The following ANKRD17 variants were observed in gnomAD, a reference collection of about 807,000 sequenced individuals.
ANKRD17 encodes the protein ankyrin repeat domain-containing protein 17.
ANKRD17 carries 19 observed loss-of-function variants against 229.7 expected under a neutral mutation model. That is an observed-to-expected ratio of 0.08 (90% confidence interval 0.06 to 0.12). The LOEUF is 0.12. ANKRD17 is among the 10% of genes least tolerant of loss of function. The pLI, the probability that ANKRD17 is intolerant of heterozygous loss-of-function variation, is 1.00. For synonymous variants in ANKRD17, 1,112 were observed against 1,146.1 expected, an observed-to-expected ratio of 0.97 and a Z score of 0.60; for missense variants, 2,176 against 3,176.8, an observed-to-expected ratio of 0.68 and a Z score of 7.57.
intron 1 of ANKRD17, among the ~76,000 whole-genome samples, chr4:73,204,795 T>C (rs1031474130): frequency 5.9e-5 from 9 of 152,164 alleles, no homozygotes; most frequent in African/African-American, 2.2e-4. Flanking sequence ...TGGTATTATA[T>C]GTGACAACAA....
chr4:73,154,132 A>T lies in ANKRD17; in HGVS notation c.1001-19T>A, dbSNP rs780787446. 2 of 1,501,024 alleles carry T rather than the reference A, an allele frequency of 1.3e-6. No homozygotes were observed. Among genetic ancestry groups the T allele is most frequent in the African/African-American group, 2.8e-5 (2 of 71,230 alleles). 93.0% of individuals were successfully genotyped at this position (1,501,024 alleles called of 1,614,324 possible). ...GTATTGCCTATTTTAATTAGGAAAA[A>T]TAAAAAGACATTAACATAAAATACC... On this transcript the variant is annotated intron_variant, in intron 5 of 33. Coordinates refer to ENST00000358602, the MANE Select transcript of ANKRD17 (RefSeq NM_032217.5).
intron 1 of ANKRD17, among the ~76,000 whole-genome samples, chr4:73,251,060 CAGG>C (rs1744979010): frequency 6.6e-6 from 1 of 152,072 alleles, no homozygotes; most frequent in Non-Finnish European, 1.5e-5. Flanking sequence ...CACTTGAAGC[CAGG>C]AGTTCAAGAC....
chr4:73,119,669 C>T (rs535612218), intron 21 of ANKRD17, among the ~76,000 whole-genome samples: 5 of 152,302 alleles, frequency 3.3e-5, no homozygotes, highest in African/African-American at 9.6e-5. Context: ...TGCACGAAAA[C>T]AAGTTAAACA....
chr4:73,139,047 G>GT lies in ANKRD17; in HGVS notation c.3085+483dup, dbSNP rs71215490. Among the ~76,000 whole-genome samples the GT allele has an allele frequency of 6.9e-3, 1,019 of 148,334 alleles. 31 individuals carry two copies. Among genetic ancestry groups the GT allele is most frequent in the Admixed American group, 0.045 (669 of 14,850 alleles). On this transcript the variant is annotated intron_variant, in intron 15 of 33. Coordinates refer to ENST00000358602, the MANE Select transcript of ANKRD17 (RefSeq NM_032217.5). The stretch of plus-strand genomic sequence containing the variant: ...TGAACTTTATTAATTTTGTAAAAGT[G>GT]TTTTTTTTTTTAAATATCCATCAGG...
intron 8 of ANKRD17, among the ~76,000 whole-genome samples, chr4:73,147,888 C>T (rs1730497378): frequency 6.6e-6 from 1 of 152,006 alleles, no homozygotes; most frequent in African/African-American, 2.4e-5. Flanking sequence ...GCTAAGGAAA[C>T]TGAGGTTATT....
At chr4:73,125,725 TC>T (rs1300889168) in intron 16 of ANKRD17, among the ~76,000 whole-genome samples, 2 of 121,264 alleles carry the variant, frequency 1.6e-5, no homozygotes, top group East Asian at 4.7e-4. Flanking sequence ...AAAGCGAGAC[TC>T]CGTCTCAAAA....
chr4:73,245,514 G>A (rs1355329729), intron 1 of ANKRD17, among the ~76,000 whole-genome samples: 1 of 152,114 alleles, frequency 6.6e-6, no homozygotes, highest in Non-Finnish European at 1.5e-5. Context: ...ATGGAGAACA[G>A]CTTCAGCCTA....
intron 26 of ANKRD17, 102 bp downstream of exon 26, chr4:73,097,971 C>T (rs1340406165): frequency 3.7e-6 from 4 of 1,075,738 alleles, no homozygotes; most frequent in Middle Eastern, 3.2e-4. Context: ...AAAGAAAAAT[C>T]CTATTTTGCA....
chr4:73,215,678 T>C (rs1263319724), intron 1 of ANKRD17, among the ~76,000 whole-genome samples: 1 of 152,250 alleles, frequency 6.6e-6, no homozygotes, highest in Non-Finnish European at 1.5e-5. Context: ...CAGTGAGTTT[T>C]AATCTAACAA....
chr4:73,089,325 C>T (rs917939603), intron 29 of ANKRD17, among the ~76,000 whole-genome samples: 7 of 151,788 alleles, frequency 4.6e-5, no homozygotes, highest in African/African-American at 9.7e-5. Flanking sequence ...CACAAGCCAC[C>T]GTGCCAAGCC....
intron 1 of ANKRD17, among the ~76,000 whole-genome samples, chr4:73,222,204 C>G (rs915702373): frequency 4.0e-5 from 6 of 151,310 alleles, no homozygotes; most frequent in African/African-American, 1.2e-4. Context: ...ATACCTATAC[C>G]TATAAATACA....
At chr4:73,184,528 CAAAAAAAAAAA>C (rs776930137) in intron 1 of ANKRD17, among the ~76,000 whole-genome samples, 5 of 29,976 alleles carry the variant, frequency 1.7e-4, no homozygotes, top group Non-Finnish European at 2.6e-4. Context: ...GACTTCCTCT[CAAAAAAAAAAA>C]AAAAAAAAAA....
At chr4:73,193,925 TTG>T (rs1737485376) in intron 1 of ANKRD17, among the ~76,000 whole-genome samples, 1 of 152,096 alleles carries the variant, frequency 6.6e-6, no homozygotes. Context: ...GAGTGAAACC[TTG>T]TCTCAAAAAC....
At chr4:73,130,388 A>T (rs1728041308) in intron 16 of ANKRD17, among the ~76,000 whole-genome samples, 1 of 152,172 alleles carries the variant, frequency 6.6e-6, no homozygotes. Flanking sequence ...TTCTCATGTT[A>T]AATCACTGTG....
intron 29 of ANKRD17, among the ~76,000 whole-genome samples, chr4:73,086,043 C>T (rs963724497): frequency 6.6e-6 from 1 of 152,036 alleles, no homozygotes; most frequent in African/African-American, 2.4e-5. Context: ...ACAATTATCA[C>T]ATTATACTCT....
intron 3 of ANKRD17, among the ~76,000 whole-genome samples, chr4:73,159,405 C>T (rs1323945019): frequency 5.3e-5 from 8 of 152,230 alleles, no homozygotes; most frequent in African/African-American, 1.9e-4. Flanking sequence ...TTGAAAACAA[C>T]CTTACAGGAT....
chr4:73,138,056 T>A (rs1177404041), intron 15 of ANKRD17, among the ~76,000 whole-genome samples: 1 of 152,180 alleles, frequency 6.6e-6, no homozygotes, highest in Non-Finnish European at 1.5e-5. Flanking sequence ...ACTCTATACA[T>A]CCTTTAGTAG....
intron 31 of ANKRD17, 54 bp downstream of exon 31, chr4:73,078,588 A>T: frequency 6.4e-7 from 1 of 1,563,302 alleles, no homozygotes; most frequent in South Asian, 1.2e-5. Flanking sequence ...TACTGTTTAC[A>T]TTATAGTTAA....
At chr4:73,162,910 A>C (rs1732724475) in intron 2 of ANKRD17, among the ~76,000 whole-genome samples, 2 of 151,714 alleles carry the variant, frequency 1.3e-5, no homozygotes, top group Admixed American at 6.6e-5. Context: ...CCCAAGCTGA[A>C]GTACAGTGGC....
Sources: gnomAD v4.1 joint callset for allele counts (sites outside exome capture counted in the v4.1 genomes callset) on GRCh38, gnomAD v4.1.1 for gene constraint, MANE v1.5 for transcripts, NCBI Gene and HGNC (gene_info 2026-07-23, HGNC 2026-07-21) for gene names.